The following OPCML variants were observed in gnomAD, a reference collection of about 807,000 sequenced individuals.
OPCML encodes opioid-binding protein/cell adhesion molecule.
In OPCML, 13 loss-of-function variants were observed where a neutral mutation model predicts 37.8. That is an observed-to-expected ratio of 0.34 (90% CI 0.22 to 0.55). The LOEUF (loss-of-function observed/expected upper bound fraction) is 0.55. OPCML is among the 20% of genes least tolerant of loss of function. The probability of loss-of-function intolerance (pLI) is 0.91; values close to 1 mark genes in which losing one functional copy is unlikely to be tolerated. For missense variants in OPCML, 341 were observed against 435.6 expected, an observed-to-expected ratio of 0.78 and a Z score of 1.93; for synonymous variants, 176 against 168.8, an observed-to-expected ratio of 1.04 and a Z score of -0.33.
intron 2 of OPCML, among the ~76,000 whole-genome samples, chr11:132,679,893 A>G (rs1262285688): frequency 6.6e-6 from 1 of 152,220 alleles, no homozygotes. Flanking sequence ...TTTGATGGTT[A>G]TCCAAAGGAA....
intron 4 of OPCML, among the ~76,000 whole-genome samples, chr11:132,444,102 C>T (rs765337675): frequency 1.1e-4 from 16 of 152,124 alleles, no homozygotes; most frequent in Admixed American, 2.6e-4. Flanking sequence ...GTAAGGAGGA[C>T]GCCAGACCCA....
At chr11:132,738,179 C>T (rs544495035) in intron 2 of OPCML, among the ~76,000 whole-genome samples, 5 of 152,166 alleles carry the variant, frequency 3.3e-5, no homozygotes, top group Non-Finnish European at 4.4e-5. Context: ...AGAAGCTAAG[C>T]GCCTTACCTG....
chr11:132,876,117 C>G (rs1029489821), intron 2 of OPCML, among the ~76,000 whole-genome samples: 1 of 152,196 alleles, frequency 6.6e-6, no homozygotes, highest in Non-Finnish European at 1.5e-5. Context: ...GATGCTCACT[C>G]CTGTCCCAGT....
chr11:132,536,302 A>T (rs2096340670), intron 3 of OPCML, among the ~76,000 whole-genome samples: 1 of 152,216 alleles, frequency 6.6e-6, no homozygotes, highest in Admixed American at 6.5e-5. Context: ...TGTATGTCAG[A>T]GTTAGAAAAA....
intron 4 of OPCML, among the ~76,000 whole-genome samples, chr11:132,523,105 C>A (rs1157315595): frequency 6.6e-6 from 1 of 152,166 alleles, no homozygotes; most frequent in Admixed American, 6.5e-5. Flanking sequence ...TGGGGTTTCA[C>A]CCTGCTGGCC....
chr11:132,701,963 T>C (rs948059333), intron 2 of OPCML, among the ~76,000 whole-genome samples: 2 of 152,210 alleles, frequency 1.3e-5, no homozygotes, highest in African/African-American at 4.8e-5. Context: ...ACACTTTAAC[T>C]TCTTCCCTAC....
At chr11:132,986,950 T>C (rs1310599157) in intron 1 of OPCML, among the ~76,000 whole-genome samples, 2 of 152,092 alleles carry the variant, frequency 1.3e-5, no homozygotes, top group Non-Finnish European at 2.9e-5. Context: ...AAGCCAGCAC[T>C]CTGAGTGAGA....
At chr11:133,118,016 G>A (rs1287523703) in intron 1 of OPCML, 1 of 831,206 alleles carries the variant, frequency 1.2e-6, no homozygotes, top group Non-Finnish European at 1.5e-6. Flanking sequence ...TTTTCAACCT[G>A]AGTCTACAGG....
chr11:132,965,278 G>T (rs765656263), intron 1 of OPCML, among the ~76,000 whole-genome samples: 1 of 152,132 alleles, frequency 6.6e-6, no homozygotes, highest in Non-Finnish European at 1.5e-5. Context: ...AGGTGGAAAA[G>T]AGCTTGTAAA....
chr11:132,568,242 A>T (rs2096429084), intron 3 of OPCML, among the ~76,000 whole-genome samples: 1 of 152,242 alleles, frequency 6.6e-6, no homozygotes, highest in African/African-American at 2.4e-5. Flanking sequence ...ACATACACAA[A>T]GTCCCTTATA....
chr11:132,678,317 A>G (rs1400948554), intron 2 of OPCML, among the ~76,000 whole-genome samples: 3 of 152,228 alleles, frequency 2.0e-5, no homozygotes, highest in Admixed American at 6.5e-5. Flanking sequence ...GATATGGCCA[A>G]TTTGAAAGAT....
intron 1 of OPCML, among the ~76,000 whole-genome samples, chr11:133,063,728 A>AT (rs1451087500): frequency 2.6e-5 from 4 of 152,078 alleles, no homozygotes; most frequent in African/African-American, 9.6e-5. Flanking sequence ...TGTCCTGGTA[A>AT]TTTTTGTATT....
intron 1 of OPCML, among the ~76,000 whole-genome samples, chr11:132,950,187 A>G (rs1301877960): frequency 1.3e-5 from 2 of 152,192 alleles, no homozygotes; most frequent in Non-Finnish European, 2.9e-5. Flanking sequence ...TGTGATTGAA[A>G]AGTTTTGCAC....
At chr11:133,136,990 G>A (rs1379661283) in intron 1 of OPCML, among the ~76,000 whole-genome samples, 1 of 152,030 alleles carries the variant, frequency 6.6e-6, no homozygotes, top group East Asian at 1.9e-4. Context: ...TTGAAAAAAT[G>A]GTTATGACGG....
intron 1 of OPCML, among the ~76,000 whole-genome samples, chr11:132,987,213 A>G (rs536645563): frequency 6.6e-6 from 1 of 152,140 alleles, no homozygotes; most frequent in Non-Finnish European, 1.5e-5. Flanking sequence ...GAGGGCAATG[A>G]GATGAAAATT....
intron 1 of OPCML, among the ~76,000 whole-genome samples, chr11:133,015,277 T>C (rs572015803): frequency 5.7e-4 from 87 of 151,376 alleles, no homozygotes; most frequent in African/African-American, 2.0e-3. Context: ...GGCTTCTGTG[T>C]TGGGTAGAGT....
At chr11:132,881,556 T>A (rs2136430107) in intron 2 of OPCML, among the ~76,000 whole-genome samples, 1 of 152,040 alleles carries the variant, frequency 6.6e-6, no homozygotes, top group South Asian at 2.1e-4. Context: ...CCAGTAAATG[T>A]CTACTCTACG....
chr11:132,429,603 G>T (rs1326748553), intron 7 of OPCML, among the ~76,000 whole-genome samples: 1 of 152,216 alleles, frequency 6.6e-6, no homozygotes, highest in East Asian at 1.9e-4. Flanking sequence ...CAGGGAGAGA[G>T]AGTGGCTTGT....
intron 1 of OPCML, among the ~76,000 whole-genome samples, chr11:133,487,242 T>G (rs1378140618): frequency 2.6e-5 from 4 of 152,178 alleles, no homozygotes; most frequent in African/African-American, 9.6e-5. Flanking sequence ...CCTGAGACTT[T>G]ACATGATCTA....
Sources: allele counts gnomAD v4.1 joint callset (sites outside exome capture counted in the v4.1 genomes callset), GRCh38; gene constraint gnomAD v4.1.1; transcripts MANE v1.5; gene names NCBI Gene and HGNC (gene_info 2026-07-23, HGNC 2026-07-21).